Variants in CFAP65 observed in about 807,000 individuals in gnomAD.
CFAP65 encodes cilia and flagella associated protein 65.
In CFAP65, 155 loss-of-function variants were observed where a neutral mutation model predicts 208.0. That is an observed-to-expected ratio of 0.75 (90% CI 0.65 to 0.85). The LOEUF is 0.85. CFAP65 is among the 40% of genes least tolerant of loss of function. The probability of loss-of-function intolerance (pLI) is 0.00; values close to 1 mark genes in which losing one functional copy is unlikely to be tolerated. For synonymous variants in CFAP65, 970 were observed against 986.3 expected (o/e 0.98, Z 0.31); for missense variants, 2,294 against 2,451.3 (o/e 0.94, Z 1.36).
intron 9 of CFAP65, 124 bp downstream of exon 9, chr2:219,030,565 G>C: frequency 7.7e-7 from 1 of 1,295,384 alleles, no homozygotes; most frequent in Non-Finnish European, 1.1e-6. Flanking sequence ...CAGCTGACAT[G>C]GGTTACATGA....
rs1219579551 is a variant in CFAP65, at chr2:219,027,971, G to A, written c.1890C>T (p.Ile630=). 1.3e-6 allele frequency: 2 copies of A among 1,519,354 alleles called. No individual in the cohort carries two copies. The highest frequency in any genetic ancestry group is 2.3e-5 in the East Asian group (1 of 44,040). 94.1% of individuals were successfully genotyped at this position (1,519,354 alleles called of 1,614,324 possible). Residue 630 remains isoleucine, a synonymous_variant, in exon 13 of 35, where the codon ATC becomes ATT. Coordinates refer to ENST00000341552, the MANE Select transcript of CFAP65 (RefSeq NM_194302.4). ...EDMPAPQYPY[I]PPMTEFFFDG... ...CGAAGAAGAACTCGGTCATGGGGGGGATATAAGGGTACTGCGGGGCCGGCA... is the reference window on the plus strand; with the variant it reads ...CGAAGAAGAACTCGGTCATGGGGGGAATATAAGGGTACTGCGGGGCCGGCA...
chr2:219,006,920 C>G (rs1946048852), intron 29 of CFAP65, among the ~76,000 whole-genome samples: 2 of 151,838 alleles, frequency 1.3e-5, no homozygotes, highest in Admixed American at 6.6e-5. Flanking sequence ...CTGCCCAATT[C>G]CCAGTCACAT....
intron 29 of CFAP65, among the ~76,000 whole-genome samples, chr2:219,008,778 C>T (rs909228588): frequency 2.6e-5 from 4 of 152,160 alleles, no homozygotes; most frequent in Non-Finnish European, 4.4e-5. Flanking sequence ...CTGCTTGTCT[C>T]CCCTAAATCT....
At chr2:219,019,212 G>T in intron 20 of CFAP65, 33 bp from the exon 21 acceptor site, 1 of 1,591,270 alleles carries the variant, frequency 6.3e-7, no homozygotes, top group Non-Finnish European at 8.6e-7. Flanking sequence ...TTCAGAGATG[G>T]GGATGGGGCC....
chr2:219,029,811 T>C, intron 10 of CFAP65, 143 bp from the exon 11 acceptor site: 15 of 1,175,620 alleles, frequency 1.3e-5, no homozygotes, highest in Non-Finnish European at 1.7e-5. Context: ...TGGATGCCAG[T>C]GGGACTGGGA....
At position 219,010,591 on chromosome 2, in the gene CFAP65, CGAG is replaced by C. The variant is rs778131657; in HGVS notation, c.4260_4262del (p.Ser1421del). 9 of 1,611,564 alleles carry C rather than the reference CGAG, an allele frequency of 5.6e-6. No individual in the cohort carries two copies. The highest frequency in any genetic ancestry group is 2.7e-5 in the African/African-American group (2 of 74,848). On this transcript the variant is annotated inframe_deletion, in exon 26 of 35. Coordinates refer to ENST00000341552, the MANE Select transcript of CFAP65 (RefSeq NM_194302.4). ...TAGAGTGTATGGAACTGTTGTCCCA[CGAG>C]GAGATGTTGTGGAATGGGGCTGTGT...
chr2:219,027,123 A>G (rs1350856132), intron 13 of CFAP65: 9 of 1,094,902 alleles, frequency 8.2e-6, no homozygotes. Context: ...GGCAGGACTA[A>G]CGGATGAGGA....
At chr2:219,024,348 G>A in intron 14 of CFAP65, 88 bp from the exon 15 acceptor site, 2 of 1,497,766 alleles carry the variant, frequency 1.3e-6, no homozygotes, top group Non-Finnish European at 1.8e-6. Context: ...CTTGGGAGGA[G>A]CTGTCTCCAA....
rs999711072 is a variant in CFAP65, at chr2:219,030,149, G to A, written c.1221C>T (p.Phe407=). The A allele has an allele frequency of 6.2e-7, 1 of 1,614,180 alleles. No homozygotes were observed. The highest frequency in any genetic ancestry group is 1.3e-5 in the African/African-American group (1 of 75,048). Residue 407 remains phenylalanine (F), a synonymous_variant, in exon 10 of 35, where the codon TTC becomes TTT. Coordinates refer to ENST00000341552, the MANE Select transcript of CFAP65 (RefSeq NM_194302.4). ...SPDELAEDQA[F]SCPTAHGIVL... ...CGATGCCATGGGCCGTGGGGCATGA[G>A]AAGGCCTGGTCTTCGGCCAGTTCAT...
In CFAP65 at chr2:219,041,296, C is replaced by A. The variant is rs1028128039; in HGVS notation, c.-49+192G>T. 1.1e-5 allele frequency: 6 copies of A among 532,600 alleles called. No homozygotes were observed. In the African/African-American group the frequency reaches 1.2e-4, roughly 10 times the overall value. 33.0% of individuals were successfully genotyped at this position (532,600 alleles called of 1,614,324 possible). ...CAAAATACACTTAGAGCTGTTTCTTCTTTCTCTTCGGGATCCTTAGTCTGA... is the reference window on the plus strand; with the variant it reads ...CAAAATACACTTAGAGCTGTTTCTTATTTCTCTTCGGGATCCTTAGTCTGA... On this transcript the variant is annotated intron_variant, in intron 1 of 34. Transcript: ENST00000341552.
At chr2:219,023,886 G>T in intron 15 of CFAP65, 129 bp downstream of exon 15, 1 of 1,150,768 alleles carries the variant, frequency 8.7e-7, no homozygotes, top group Non-Finnish European at 1.2e-6. Context: ...TCCCTACTAT[G>T]CTACTTCCTG....
chr2:219,022,398 G>T (rs1239263587), intron 16 of CFAP65, 69 bp from the exon 17 acceptor site: 13 of 1,531,840 alleles, frequency 8.5e-6, no homozygotes, highest in Non-Finnish European at 1.2e-5. Flanking sequence ...GCCATCCGAG[G>T]CCCCATGGCA....
chr2:219,004,425 C>A lies in CFAP65; in HGVS notation c.5082G>T (p.Glu1694Asp). The A allele has an allele frequency of 6.2e-7, 1 of 1,612,430 alleles. No individual in the cohort carries two copies. The highest frequency in any genetic ancestry group is 8.5e-7 in the Non-Finnish European group (1 of 1,179,170). ...RGLLEDKNFHEAVDQSLVEQV... is the reference protein window; with the variant it reads ...RGLLEDKNFHDAVDQSLVEQV... The stretch of plus-strand genomic sequence containing the variant: ...GCTCCACCAGGCTTTGGTCCACAGC[C>A]TCATGGAAGTTCTTGTCTTCCAGCA... Residue 1694 changes from glutamate (E) to aspartate (D), a missense_variant, in exon 33 of 35, where the codon GAG becomes GAT. By Grantham distance (45) the Glu-to-Asp change is conservative. Coordinates refer to ENST00000341552, the MANE Select transcript of CFAP65 (RefSeq NM_194302.4). This position sits in a 1 kb window ranked among gnomAD's most constrained non-coding sequence, Gnocchi z 4.7.
chr2:219,026,281 C>T lies in CFAP65; in HGVS notation c.2212-122G>A, dbSNP rs891714376. On this transcript the variant is annotated intron_variant, in intron 13 of 34. Coordinates refer to ENST00000341552, the MANE Select transcript of CFAP65 (RefSeq NM_194302.4). ...CTGACATTGGACACAGACAGGAGGG[C>T]CTCCCTGGGAAGACAGTGCAGAGAA... 2.0e-5 allele frequency: 21 copies of T among 1,062,614 alleles called. No homozygotes were observed. The East Asian group carries it at 3.7e-4, about 19-fold the overall frequency. 65.8% of individuals were successfully genotyped at this position (1,062,614 alleles called of 1,614,324 possible). A position where few individuals can be genotyped will look rare whatever the true frequency, so the allele number is the denominator to read the frequency against.
At position 219,040,502 on chromosome 2, in the gene CFAP65, G is replaced by T; in HGVS notation, c.-3+17C>A. On this transcript the variant is annotated intron_variant, in intron 2 of 34. Coordinates refer to ENST00000341552, the MANE Select transcript of CFAP65 (RefSeq NM_194302.4). ...GGTACTGTGCTAGGCACCAGACAAG[G>T]CAGGCAAGGCTCCTACCTCCAATTG... The T allele has an allele frequency of 7.6e-7, 1 of 1,320,280 alleles. No homozygotes were observed. Among genetic ancestry groups the T allele is most frequent in the Non-Finnish European group, 1.1e-6 (1 of 936,282 alleles). 81.8% of individuals were successfully genotyped at this position (1,320,280 alleles called of 1,614,324 possible).
chr2:219,005,586 G>A, intron 31 of CFAP65, 24 bp from the exon 32 acceptor site: 1 of 1,610,426 alleles, frequency 6.2e-7, no homozygotes, highest in Non-Finnish European at 8.5e-7. Flanking sequence ...GACATTCTGA[G>A]TGGCCTGGGC....
chr2:219,008,359 A>T (rs529312530), intron 29 of CFAP65, among the ~76,000 whole-genome samples: 1 of 152,322 alleles, frequency 6.6e-6, no homozygotes, highest in East Asian at 1.9e-4. Flanking sequence ...GTTGACTGAG[A>T]TCACAGAGCT....
intron 11 of CFAP65, among the ~76,000 whole-genome samples, chr2:219,028,814 CATACT>C (rs1318005922): frequency 6.6e-6 from 1 of 152,186 alleles, no homozygotes; most frequent in Non-Finnish European, 1.5e-5. Context: ...TCCCCCAGCC[CATACT>C]AAACTGTCAC....
At position 219,029,615 on chromosome 2, in the gene CFAP65, C is replaced by A; in HGVS notation, c.1438G>T (p.Gly480Trp). 1 of 1,614,092 alleles carries A rather than the reference C, an allele frequency of 6.2e-7. No homozygotes were observed. Among genetic ancestry groups the A allele is most frequent in the Non-Finnish European group, 8.5e-7 (1 of 1,179,994 alleles). The change falls in exon 11 of 35, where the codon GGG becomes TGG. Residue 480 changes from glycine to tryptophan, a missense_variant. Coordinates refer to ENST00000341552, the MANE Select transcript of CFAP65 (RefSeq NM_194302.4). Reference protein sequence around the residue: ...YCVNFSWVNLGERSEQPLWIE... With the variant: ...YCVNFSWVNLWERSEQPLWIE... ...CACAGGGGCTGCTCGGAGCGCTCCC[C>A]AAGGTTGACCCAGCTGAAGTTGACA...
Sources: gnomAD v4.1 joint callset for allele counts (sites outside exome capture counted in the v4.1 genomes callset) on GRCh38, gnomAD v4.1.1 for gene constraint, Gnocchi (gnomAD v3.1) non-coding constraint, MANE v1.5 for transcripts, NCBI Gene and HGNC (gene_info 2026-07-23, HGNC 2026-07-21) for gene names.